SLC35A3: variants seen among roughly 807,000 people sequenced by gnomAD.
SLC35A3 encodes UDP-N-acetylglucosamine transporter.
Under a neutral mutation model 39.0 loss-of-function variants are expected in SLC35A3, and 26 were observed. The ratio of observed to expected loss-of-function variants is 0.67; its 90% CI spans 0.49 to 0.92. SLC35A3 has a LOEUF of 0.92. Among genes scored for constraint, SLC35A3 ranks in the 40% least tolerant of loss-of-function variants. SLC35A3 has a pLI of 0.00. For synonymous variants in SLC35A3, 135 were observed against 133.1 expected (o/e 1.01, Z -0.10); for missense variants, 299 against 371.6 (o/e 0.80, Z 1.61).
At position 100,017,759 on chromosome 1, in the gene SLC35A3, G is replaced by A. The variant is rs749734512; in HGVS notation, c.831G>A (p.Ser277=). The change falls in exon 7 of 8, where the codon TCG becomes TCA. Residue 277 remains serine (S), a synonymous_variant. Transcript: ENST00000533028. ...NILKGFATSL[S]IILSTLISYF... is the part of the protein sequence containing the mutation. ...TAAAAGGATTTGCAACCTCTTTATC[G>A]ATAATATTATCAACATTGATCTCCT... The A allele has an allele frequency of 3.1e-5, 49 of 1,574,828 alleles. No homozygotes were observed. The highest frequency in any genetic ancestry group is 4.2e-5 in the Non-Finnish European group (49 of 1,160,272).
intron 1 of SLC35A3, chr1:99,970,553 T>C (rs919121278): frequency 8.5e-6 from 13 of 1,535,808 alleles, no homozygotes; most frequent in Admixed American, 2.0e-5. Flanking sequence ...TCTCGCTCGG[T>C]GTTGAGCCCT....
Position 99,977,989 on chromosome 1 carries a change from A to G in SLC35A3, c.-19+7827A>G, listed in dbSNP as rs528699655. On this transcript the variant is annotated intron_variant, in intron 1 of 7. Coordinates refer to ENST00000533028, the MANE Select transcript of SLC35A3 (RefSeq NM_012243.3). ...CGTTTCAGTTGGCATGTTTTGATAC[A>G]TGCAGTATATCTGAGATTGAGCAAT... Among the ~76,000 whole-genome samples, 5 of 152,364 alleles carry G rather than the reference A, an allele frequency of 3.3e-5. 1 individual carries two copies. In the South Asian group the frequency reaches 1.0e-3, roughly 32 times the overall value.
chr1:99,988,256 T>A (rs1182869004), intron 1 of SLC35A3, among the ~76,000 whole-genome samples: 1 of 152,232 alleles, frequency 6.6e-6, no homozygotes, highest in East Asian at 1.9e-4. Flanking sequence ...TTTTCTAGAA[T>A]TTTATATATA....
At chr1:100,017,158 G>C (rs1023416973) in intron 6 of SLC35A3, among the ~76,000 whole-genome samples, 1 of 152,144 alleles carries the variant, frequency 6.6e-6, no homozygotes, top group Non-Finnish European at 1.5e-5. Context: ...GATTAGGTAA[G>C]TTCTTTCTAC....
rs1302262718 is a variant in SLC35A3 at position 100,023,860 on chromosome 1, A to T, written c.*1384A>T. The T allele has an allele frequency of 6.6e-6, 1 of 152,460 alleles. No homozygotes were observed. The highest frequency in any genetic ancestry group is 1.5e-5 in the Non-Finnish European group (1 of 68,274). The allele number at this position is 152,460 out of a possible 1,614,324, so 9.4% of individuals were successfully genotyped here. On this transcript the variant is annotated 3_prime_UTR_variant, in exon 8 of 8. Coordinates refer to ENST00000533028, the MANE Select transcript of SLC35A3 (RefSeq NM_012243.3). ...CGTCTCTACCAAAAATACAAAAATT[A>T]GCTGGGTGTGGTGGCACGCACCTGT...
chr1:100,017,553 A>T (rs1372766364), intron 6 of SLC35A3, 129 bp from the exon 7 acceptor site: 3 of 551,476 alleles, frequency 5.4e-6, no homozygotes, highest in Non-Finnish European at 9.1e-6. Flanking sequence ...AGAGATGTTT[A>T]AAATAAATCC....
intron 7 of SLC35A3, among the ~76,000 whole-genome samples, chr1:100,018,223 G>C (rs1660292727): frequency 6.6e-6 from 1 of 152,194 alleles, no homozygotes; most frequent in South Asian, 2.1e-4. Context: ...AGCAGGAAGA[G>C]CAATCTGGAA....
intron 2 of SLC35A3, among the ~76,000 whole-genome samples, chr1:99,996,209 A>T (rs1456680420): frequency 6.6e-6 from 1 of 152,206 alleles, no homozygotes; most frequent in Admixed American, 6.5e-5. Context: ...TAAAGGAAAA[A>T]ATAGATAATT....
At chr1:100,009,279 G>A (rs376493646) in intron 4 of SLC35A3, 26 of 152,028 alleles carry the variant, frequency 1.7e-4, no homozygotes, top group African/African-American at 5.1e-4. Context: ...TTCACTATTT[G>A]TGTTTCAGTA....
At chr1:100,006,236 G>T (rs1659220385) in intron 3 of SLC35A3, among the ~76,000 whole-genome samples, 1 of 152,126 alleles carries the variant, frequency 6.6e-6, no homozygotes, top group Admixed American at 6.5e-5. Flanking sequence ...GGTGGACCAG[G>T]TATGCTGGTT....
intron 1 of SLC35A3, among the ~76,000 whole-genome samples, chr1:99,979,811 AGGTG>A (rs920628411): frequency 6.6e-6 from 1 of 151,586 alleles, no homozygotes; most frequent in African/African-American, 2.4e-5. Context: ...TGAGAGGCCG[AGGTG>A]GGTGGATCAC....
intron 7 of SLC35A3, among the ~76,000 whole-genome samples, chr1:100,018,671 A>T (rs1235232889): frequency 6.6e-6 from 1 of 152,096 alleles, no homozygotes; most frequent in African/African-American, 2.4e-5. Flanking sequence ...CTGGGACTAC[A>T]CATGTGCTTT....
intron 1 of SLC35A3, among the ~76,000 whole-genome samples, chr1:99,992,793 C>T (rs1236856222): frequency 6.6e-6 from 1 of 152,088 alleles, no homozygotes; most frequent in Non-Finnish European, 1.5e-5. Flanking sequence ...GAACTTTTTG[C>T]ATATTATGAG....
intron 3 of SLC35A3, among the ~76,000 whole-genome samples, chr1:100,004,510 A>G (rs1659061482): frequency 6.6e-6 from 1 of 151,844 alleles, no homozygotes; most frequent in South Asian, 2.1e-4. Context: ...CATGTTTCCC[A>G]GGGCTGGTCT....
chr1:100,017,012 A>G (rs1008705438), intron 6 of SLC35A3, among the ~76,000 whole-genome samples: 2 of 152,246 alleles, frequency 1.3e-5, no homozygotes, highest in Non-Finnish European at 2.9e-5. Context: ...CTTCCATCAT[A>G]GAAGAGATGT....
Position 99,979,600 on chromosome 1 carries a change from A to G in SLC35A3, c.-19+9438A>G, listed in dbSNP as rs1431889714. Among the ~76,000 whole-genome samples, 3 of 150,822 alleles carry G rather than the reference A, an allele frequency of 2.0e-5. No individual in the cohort carries two copies. In the East Asian group the frequency reaches 5.9e-4, roughly 30 times the overall value. On this transcript the variant is annotated intron_variant, in intron 1 of 7. Coordinates refer to ENST00000533028, the MANE Select transcript of SLC35A3 (RefSeq NM_012243.3). ...AGGCGCCCGCCACCACGCCCGGCTA[A>G]TTTTTTATATTTTTAGTAGAGACGG...
At chr1:100,017,570 A>G (rs1016871238) in intron 6 of SLC35A3, 112 bp from the exon 7 acceptor site, 2 of 640,618 alleles carry the variant, frequency 3.1e-6, no homozygotes, top group African/African-American at 3.8e-5. Flanking sequence ...ATCCCTTACT[A>G]TAATGGGATT....
In SLC35A3 at chr1:100,011,439, C is replaced by T. The variant is rs1031141712; in HGVS notation, c.540C>T (p.Leu180=). ...AATTTGTAGGACTCATGGCAGTTCT[C>T]ACAGCATGTTTTTCAAGTGGCTTTG... ...GSQFVGLMAV[L]TACFSSGFAG... is the part of the protein sequence containing the mutation. The change falls in exon 5 of 8, where the codon CTC becomes CTT. Residue 180 remains leucine (L), a synonymous_variant. Transcript: ENST00000533028. 3 of 1,584,746 alleles carry T rather than the reference C, an allele frequency of 1.9e-6. No individual in the cohort carries two copies. In the African/African-American group the frequency reaches 4.0e-5, roughly 21 times the overall value.
chr1:100,005,793 A>G (rs769315343), intron 3 of SLC35A3, among the ~76,000 whole-genome samples: 2 of 152,030 alleles, frequency 1.3e-5, no homozygotes, highest in Non-Finnish European at 2.9e-5. Context: ...GTATCTCACT[A>G]AACTTTCTAG....
Sources: gnomAD v4.1 joint callset for allele counts (sites outside exome capture counted in the v4.1 genomes callset) on GRCh38, gnomAD v4.1.1 for gene constraint, MANE v1.5 for transcripts, NCBI Gene and HGNC (gene_info 2026-07-23, HGNC 2026-07-21) for gene names.